The following CARD6 variants were observed in gnomAD, a reference collection of about 807,000 sequenced individuals.
The protein encoded by CARD6 is caspase recruitment domain-containing protein 6.
CARD6 carries 27 observed loss-of-function variants against 23.6 expected under a neutral mutation model. The observed-to-expected ratio is 1.14, with a 90% CI of 0.84 to 1.58. CARD6 has a LOEUF of 1.58. Among genes scored for constraint, CARD6 ranks in the 40% most tolerant of loss-of-function variants. The probability of loss-of-function intolerance (pLI) is 0.00; values close to 1 mark genes in which losing one functional copy is unlikely to be tolerated. For missense variants in CARD6, 1,214 were observed against 1,209.9 expected (o/e 1.00, Z -0.05); for synonymous variants, 397 against 431.8 (o/e 0.92, Z 1.00).
Position 40,853,813 on chromosome 5 carries a change from G to T in CARD6, c.2481G>T (p.Gln827His), listed in dbSNP as rs1398623965. ...CAAGACCCATTTGTCAGCATGTACAGGCCTGCCCTGAGAGACCACAAATGA... is the reference window on the plus strand; with the variant it reads ...CAAGACCCATTTGTCAGCATGTACATGCCTGCCCTGAGAGACCACAAATGA... The part of the protein sequence containing the change: ...RLPRPICQHV[Q>H]ACPERPQMMG... The change falls in exon 3 of 3, where the codon CAG becomes CAT. Residue 827 changes from glutamine to histidine, a missense_variant. Transcript: ENST00000254691. 3 of 1,614,208 alleles carry T rather than the reference G, an allele frequency of 1.9e-6. No homozygotes were observed. Among genetic ancestry groups the T allele is most frequent in the African/African-American group, 1.3e-5 (1 of 75,066 alleles).
In CARD6 at chr5:40,851,147, A is replaced by C. The variant is rs1314377979; in HGVS notation, c.842-1027A>C. Among the ~76,000 whole-genome samples the C allele has an allele frequency of 4.6e-5, 7 of 151,726 alleles. No individual in the cohort carries two copies. In the East Asian group the frequency reaches 1.4e-3, roughly 31 times the overall value. ...CAGGAGTTCGAGACCAGCCTGGCCAACATGGTGAAACCCCATCTCTACAAA... is the reference window on the plus strand; with the variant it reads ...CAGGAGTTCGAGACCAGCCTGGCCACCATGGTGAAACCCCATCTCTACAAA... On this transcript the variant is annotated intron_variant, in intron 2 of 2. Coordinates refer to ENST00000254691, the MANE Select transcript of CARD6 (RefSeq NM_032587.4).
chr5:40,842,651 AT>A (rs879415852), intron 1 of CARD6, among the ~76,000 whole-genome samples: 60 of 147,512 alleles, frequency 4.1e-4, no homozygotes, highest in Admixed American at 8.1e-4. Flanking sequence ...GTGTGATCTG[AT>A]TTTTTTTTTT....
In CARD6 at chr5:40,841,625, T is replaced by C. The variant is rs755174822; in HGVS notation, c.243T>C (p.Ser81=). Residue 81 remains serine, a synonymous_variant, in exon 1 of 3, where the codon AGT becomes AGC. Transcript: ENST00000254691. ...TCQHFLKCLF[S]TFPQSAAICG... ...AGCATTTTCTCAAGTGTTTATTTAG[T>C]ACTTTTCCACAGTCAGCTGCCATTT... The C allele has an allele frequency of 3.1e-6, 5 of 1,613,982 alleles. No homozygotes were observed. Among genetic ancestry groups the C allele is most frequent in the Non-Finnish European group, 4.2e-6 (5 of 1,180,008 alleles).
Position 40,852,992 on chromosome 5 carries a change from T to C in CARD6, c.1660T>C (p.Phe554Leu), listed in dbSNP as rs1328243646. 2.5e-6 allele frequency: 4 copies of C among 1,613,846 alleles called. No individual in the cohort carries two copies. The highest frequency in any genetic ancestry group is 3.4e-6 in the Non-Finnish European group (4 of 1,179,884). The change falls in exon 3 of 3, where the codon TTT (phenylalanine) becomes CTT (leucine). Residue 554 changes from phenylalanine to leucine, a missense_variant. Coordinates refer to ENST00000254691, the MANE Select transcript of CARD6 (RefSeq NM_032587.4). ...TTTGATGGAAGTTTCTTCAGCTGTG[T>C]TTTTTTTCACTGACTGTTTAGGTGA... is the stretch of plus-strand genomic sequence containing the variant. ...GFLMEVSSAV[F>L]FFTDCLGEKE...
rs1945118119 is a variant in CARD6 at position 40,852,915 on chromosome 5, C to T, written c.1583C>T (p.Ala528Val). 1 of 1,614,136 alleles carries T rather than the reference C, an allele frequency of 6.2e-7. No individual in the cohort carries two copies. The highest frequency in any genetic ancestry group is 8.5e-7 in the Non-Finnish European group (1 of 1,180,032). ...AACCCCTTTTTCCAAAAGCCTGTTG[C>T]TCTGGCTAATCTCCGTGGAAATCTA... is the stretch of plus-strand genomic sequence containing the variant. The part of the protein sequence containing the change: ...KENPFFQKPV[A>V]LANLRGNLES... The change falls in exon 3 of 3, where the codon GCT becomes GTT. Residue 528 changes from alanine (A) to valine (V), a missense_variant. Coordinates refer to ENST00000254691, the MANE Select transcript of CARD6 (RefSeq NM_032587.4).
Position 40,853,878 on chromosome 5 carries a change from T to C in CARD6, c.2546T>C (p.Ile849Thr). ...LERSRAVASK[I>T]GHSYSLDSQP... ...AGGTCTAGGGCAGTAGCCTCCAAGA[T>C]AGGTCACTCCTATTCCCTGGATTCA... The change falls in exon 3 of 3, where the codon ATA (isoleucine) becomes ACA (threonine). Residue 849 changes from isoleucine (I) to threonine (T), a missense_variant. Coordinates refer to ENST00000254691, the MANE Select transcript of CARD6 (RefSeq NM_032587.4). The C allele has an allele frequency of 6.2e-7, 1 of 1,614,154 alleles. No homozygotes were observed.
chr5:40,844,971 G>A (rs550059392), intron 2 of CARD6, among the ~76,000 whole-genome samples: 6 of 151,098 alleles, frequency 4.0e-5, no homozygotes, highest in Admixed American at 3.3e-4. Context: ...GGGTTCAAGC[G>A]ATTCACCTGC....
chr5:40,855,089 A>T lies in CARD6; in HGVS notation c.*643A>T, dbSNP rs1561218262. 1 of 152,512 alleles carries T rather than the reference A, an allele frequency of 6.6e-6. No homozygotes were observed. Among genetic ancestry groups the T allele is most frequent in the Non-Finnish European group, 1.5e-5 (1 of 68,182 alleles). The allele number at this position is 152,512 out of a possible 1,614,324, so 9.4% of individuals were successfully genotyped here. ...GAGAAGAATGGGGTTAGGGTCTCTA[A>T]TTGCAAAGTGACTGTACAATAGGAC... On this transcript the variant is annotated 3_prime_UTR_variant, in exon 3 of 3. Coordinates refer to ENST00000254691, the MANE Select transcript of CARD6 (RefSeq NM_032587.4).
chr5:40,853,323 C>G lies in CARD6; in HGVS notation c.1991C>G (p.Thr664Ser). The change falls in exon 3 of 3, where the codon ACT becomes AGT. Residue 664 changes from threonine to serine, a missense_variant. Transcript: ENST00000254691. ...GIQVDEDFEN[T>S]QRIQVSSGEN... ...CAGGTAGATGAAGACTTTGAAAACA[C>G]TCAGAGAATTCAAGTTTCCTCTGGA... 6.2e-7 allele frequency: 1 copy of G among 1,614,136 alleles called. No individual in the cohort carries two copies. Among genetic ancestry groups the G allele is most frequent in the Non-Finnish European group, 8.5e-7 (1 of 1,179,994 alleles).
chr5:40,852,640 A>AG lies in CARD6; in HGVS notation c.1314dup (p.Pro439AlafsTer26), dbSNP rs1217913149. On this transcript the variant is annotated frameshift_variant, in exon 3 of 3. Coordinates refer to ENST00000254691, the MANE Select transcript of CARD6 (RefSeq NM_032587.4). LOFTEE classifies it low-confidence loss of function (END_TRUNC). ...TGAAGAAGCAGTCAACACAGTTTTC[A>AG]GGGGGGCCTACAGAGGATACAGAAA... The AG allele has an allele frequency of 1.2e-6, 2 of 1,614,156 alleles. No homozygotes were observed. The highest frequency in any genetic ancestry group is 2.2e-5 in the East Asian group (1 of 44,876).
In CARD6 at chr5:40,847,003, A is replaced by T. The variant is rs537928247; in HGVS notation, c.841+3294A>T. On this transcript the variant is annotated intron_variant, in intron 2 of 2. Transcript: ENST00000254691. The stretch of plus-strand genomic sequence containing the variant: ...TAAGATAGCAAAGACTATGGATACC[A>T]GAAAGCCATTAACTGGGGACATTAT... Among the ~76,000 whole-genome samples the T allele has an allele frequency of 3.9e-5, 6 of 152,360 alleles. No individual in the cohort carries two copies. The South Asian group carries it at 1.2e-3, about 32-fold the overall frequency.
chr5:40,854,492 A>G lies in CARD6; in HGVS notation c.*46A>G. ...ATAAAGCATATCCTTTACCCAGGCC[A>G]TTCCTATCATATAGTAAGCAGAAGA... On this transcript the variant is annotated 3_prime_UTR_variant, in exon 3 of 3. Coordinates refer to ENST00000254691, the MANE Select transcript of CARD6 (RefSeq NM_032587.4). The G allele has an allele frequency of 6.9e-7, 1 of 1,450,516 alleles. No individual in the cohort carries two copies. The highest frequency in any genetic ancestry group is 9.6e-7 in the Non-Finnish European group (1 of 1,043,898). The allele number at this position is 1,450,516 out of a possible 1,614,324, so 89.9% of individuals were successfully genotyped here. A position where few individuals can be genotyped will look rare whatever the true frequency, so the allele number is the denominator to read the frequency against.
chr5:40,853,735 A>T lies in CARD6; in HGVS notation c.2403A>T (p.Lys801Asn). 2 of 1,614,076 alleles carry T rather than the reference A, an allele frequency of 1.2e-6. No individual in the cohort carries two copies. Among genetic ancestry groups the T allele is most frequent in the Non-Finnish European group, 1.7e-6 (2 of 1,180,016 alleles). Residue 801 changes from lysine to asparagine, a missense_variant, in exon 3 of 3, where the codon AAA becomes AAT. Coordinates refer to ENST00000254691, the MANE Select transcript of CARD6 (RefSeq NM_032587.4). ...TTTATTCAGGTGAAAGATTCATGAA[A>T]TTTTCCAGAGTTGCTCGGGGATGTC... Reference protein sequence around the residue: ...QIFYSGERFMKFSRVARGCHS... With the variant: ...QIFYSGERFMNFSRVARGCHS...
At position 40,854,266 on chromosome 5, in the gene CARD6, G is replaced by A; in HGVS notation, c.2934G>A (p.Gln978=). 2 of 1,614,038 alleles carry A rather than the reference G, an allele frequency of 1.2e-6. No individual in the cohort carries two copies. Among genetic ancestry groups the A allele is most frequent in the South Asian group, 2.2e-5 (2 of 91,074 alleles). The change falls in exon 3 of 3, where the codon CAG becomes CAA. Residue 978 remains glutamine, a synonymous_variant. Transcript: ENST00000254691. ...CTCAGACAAAATCCTGTCAGTCCCA[G>A]CCCTCCCAAACTAAACCTTCTCCAT... The part of the protein sequence containing the change: ...KSSQTKSCQS[Q]PSQTKPSPCK...
In CARD6 at chr5:40,843,382, C is replaced by T; in HGVS notation, c.514C>T (p.Pro172Ser). The change falls in exon 2 of 3, where the codon CCA (proline) becomes TCA (serine). Residue 172 changes from proline to serine, a missense_variant. Physicochemically the swap from Pro to Ser is moderately conservative, Grantham distance 74 (BLOSUM62 -1). Coordinates refer to ENST00000254691, the MANE Select transcript of CARD6 (RefSeq NM_032587.4). Reference sequence around the variant, plus strand: ...GAAGAATGAGAAGGAATATGACACACCAGAAGTCACATTATCATATTCAGT... The same window carrying T: ...GAAGAATGAGAAGGAATATGACACATCAGAAGTCACATTATCATATTCAGT... ...ARKNEKEYDT[P>S]EVTLSYSVEK... 1.9e-6 allele frequency: 3 copies of T among 1,613,780 alleles called. No homozygotes were observed. The highest frequency in any genetic ancestry group is 2.5e-6 in the Non-Finnish European group (3 of 1,179,744).
In CARD6 at chr5:40,854,365, A is replaced by G. The variant is rs1208961459; in HGVS notation, c.3033A>G (p.Gln1011=). Residue 1011 remains glutamine (Q), a synonymous_variant, in exon 3 of 3, where the codon CAA becomes CAG. Coordinates refer to ENST00000254691, the MANE Select transcript of CARD6 (RefSeq NM_032587.4). ...AGCCTTCTCAGCCCAGACCCCCTCA[A>G]CCTAAGTCATCCTCAACCAATCCTT... The part of the protein sequence containing the change: ...QSKPSQPRPP[Q]PKSSSTNPSQ... The G allele has an allele frequency of 1.9e-6, 3 of 1,613,852 alleles. No individual in the cohort carries two copies. Among genetic ancestry groups the G allele is most frequent in the Non-Finnish European group, 1.7e-6 (2 of 1,179,990 alleles).
At chr5:40,846,599 G>C (rs1282084362) in intron 2 of CARD6, among the ~76,000 whole-genome samples, 1 of 152,160 alleles carries the variant, frequency 6.6e-6, no homozygotes, top group African/African-American at 2.4e-5. Flanking sequence ...GAAAGGATTT[G>C]TCTCAGGCTT....
In CARD6 at chr5:40,853,330, A is replaced by C. The variant is rs1746113873; in HGVS notation, c.1998A>C (p.Arg666Ser). 1 of 1,614,036 alleles carries C rather than the reference A, an allele frequency of 6.2e-7. No individual in the cohort carries two copies. Among genetic ancestry groups the C allele is most frequent in the African/African-American group, 1.3e-5 (1 of 74,924 alleles). ...QVDEDFENTQ[R>S]IQVSSGENMA... is the part of the protein sequence containing the mutation. ...ATGAAGACTTTGAAAACACTCAGAG[A>C]ATTCAAGTTTCCTCTGGAGAAAACA... Residue 666 changes from arginine (R) to serine (S), a missense_variant, in exon 3 of 3, where the codon AGA (arginine) becomes AGC (serine). By Grantham distance (110) the Arg-to-Ser change is moderately radical (BLOSUM62 -1). Transcript: ENST00000254691.
Position 40,853,018 on chromosome 5 carries a change from G to A in CARD6, c.1686G>A (p.Glu562=), listed in dbSNP as rs1251457827. The A allele has an allele frequency of 6.2e-7, 1 of 1,614,178 alleles. No individual in the cohort carries two copies. The highest frequency in any genetic ancestry group is 2.2e-5 in the East Asian group (1 of 44,886). ...TTTTTTTCACTGACTGTTTAGGTGA[G>A]AAGGAATGGGACTTGCTAATGTTTT... The part of the protein sequence containing the change: ...AVFFFTDCLG[E]KEWDLLMFLG... Residue 562 remains glutamate, a synonymous_variant, in exon 3 of 3, where the codon GAG becomes GAA. Coordinates refer to ENST00000254691, the MANE Select transcript of CARD6 (RefSeq NM_032587.4).
Sources: gnomAD v4.1 joint callset for allele counts (sites outside exome capture counted in the v4.1 genomes callset) on GRCh38, gnomAD v4.1.1 for gene constraint, MANE v1.5 for transcripts, NCBI Gene and HGNC (gene_info 2026-07-23, HGNC 2026-07-21) for gene names.